The following HPS3 variants were observed in gnomAD, a reference collection of about 807,000 sequenced individuals.
HPS3 encodes the protein HPS3 biogenesis of lysosomal organelles complex 2 subunit 1, also known as BLOC-2 complex member HPS3.
A neutral mutation model predicts 110.9 loss-of-function variants in HPS3; 79 were observed. The ratio of observed to expected loss-of-function variants is 0.71; its 90% CI spans 0.59 to 0.86. HPS3 has a LOEUF of 0.86. Ranked by LOEUF, HPS3 falls within the 40% of genes least tolerant of loss-of-function variation. HPS3 has a pLI of 0.00. For synonymous variants in HPS3, 428 were observed against 451.0 expected, an observed-to-expected ratio of 0.95 and a Z score of 0.65; for missense variants, 1,197 against 1,206.2, an observed-to-expected ratio of 0.99 and a Z score of 0.11.
At chr3:149,150,401 A>T (rs1021977330) in intron 5 of HPS3, among the ~76,000 whole-genome samples, 198 bp from the exon 6 acceptor site, 24 of 152,182 alleles carry the variant, frequency 1.6e-4, no homozygotes, top group African/African-American at 5.8e-4. Flanking sequence ...TATGGGGACC[A>T]GTTGTATATT....
Position 149,153,496 on chromosome 3 carries a change from T to C in HPS3, c.1248T>C (p.Ala416=), listed in dbSNP as rs1723258444. 1 of 1,613,568 alleles carries C rather than the reference T, an allele frequency of 6.2e-7. No homozygotes were observed. Among genetic ancestry groups the C allele is most frequent in the Non-Finnish European group, 8.5e-7 (1 of 1,179,436 alleles). Residue 416 remains alanine, a splice_region_variant and synonymous_variant, in exon 7 of 17, where the codon GCT becomes GCC. Transcript: ENST00000296051. ...EDPYMDTTLK[A]CPPVSMDVCA... ...AATATGTGATTTTCCTTTACTAGGC[T>C]TGCCCACCTGTCAGTATGGATGTCT...
intron 12 of HPS3, 54 bp from the exon 13 acceptor site, chr3:149,162,636 T>C: frequency 2.5e-6 from 4 of 1,568,900 alleles, no homozygotes; most frequent in Non-Finnish European, 2.6e-6. Flanking sequence ...CAGCTGTCGC[T>C]TTATCAGTGC....
chr3:149,141,202 T>TTTTA lies in HPS3; in HGVS notation c.884+17_884+18insATTT, dbSNP rs756488920. The stretch of plus-strand genomic sequence containing the variant: ...CCTGCTCTATAGGTATTATAGTGCT[T>TTTTA]TTTTTTTTTTTACCAGCATTTTATG... On this transcript the variant is annotated intron_variant, in intron 3 of 16. Transcript: ENST00000296051. The TTTTA allele has an allele frequency of 1.4e-6, 2 of 1,383,446 alleles. No individual in the cohort carries two copies. Among genetic ancestry groups the TTTTA allele is most frequent in the South Asian group, 2.5e-5 (2 of 79,342 alleles). The allele number at this position is 1,383,446 out of a possible 1,614,324, so 85.7% of individuals were successfully genotyped here.
intron 1 of HPS3, among the ~76,000 whole-genome samples, chr3:149,132,218 A>C (rs1352041629): frequency 6.6e-6 from 1 of 152,250 alleles, no homozygotes. Context: ...CAGTGTAGAC[A>C]AAACAGTCTT....
chr3:149,150,724 G>A (rs889999630), intron 6 of HPS3, 44 bp downstream of exon 6: 1 of 1,426,874 alleles, frequency 7.0e-7, no homozygotes, highest in African/African-American at 1.4e-5. Context: ...AAGATCACAA[G>A]GGAGCACATG....
At chr3:149,157,240 A>C in intron 8 of HPS3, 110 bp from the exon 9 acceptor site, 1 of 978,758 alleles carries the variant, frequency 1.0e-6, no homozygotes, top group Non-Finnish European at 1.6e-6. Flanking sequence ...TTTAGGGTTT[A>C]ATATGTCCAA....
chr3:149,131,133 A>AC (rs895113108), intron 1 of HPS3, among the ~76,000 whole-genome samples: 1 of 150,698 alleles, frequency 6.6e-6, no homozygotes, highest in Non-Finnish European at 1.5e-5. Flanking sequence ...AAAAAAAAAA[A>AC]AAAAAAACAA....
chr3:149,158,944 T>C, intron 10 of HPS3, 98 bp downstream of exon 10: 2 of 854,334 alleles, frequency 2.3e-6, no homozygotes, highest in Non-Finnish European at 3.7e-6. Context: ...TCCAAATATT[T>C]TTCTTCTTTG....
intron 14 of HPS3, among the ~76,000 whole-genome samples, chr3:149,166,364 G>A (rs79429329): frequency 6.6e-6 from 1 of 152,114 alleles, no homozygotes; most frequent in South Asian, 2.1e-4. Context: ...CTACAGGAAG[G>A]GGTGTAAAGA....
At chr3:149,171,894 A>G (rs1725026076) in intron 16 of HPS3, among the ~76,000 whole-genome samples, 1 of 151,830 alleles carries the variant, frequency 6.6e-6, no homozygotes, top group South Asian at 2.1e-4. Context: ...TTTAGTAGAG[A>G]CAGGGTTTCA....
At position 149,141,976 on chromosome 3, in the gene HPS3, G is replaced by A. The variant is rs182411587; in HGVS notation, c.970+596G>A. 4.5e-3 allele frequency among the ~76,000 whole-genome samples: 691 copies of A among 151,950 alleles called. 12 individuals carry two copies. The highest frequency in any genetic ancestry group is 0.016 in the African/African-American group (661 of 41,404). ...AGTGATTCTCCTGCCTCAGACTCCC[G>A]AGTAGCTGGGATTACAGGAATGCCC... On this transcript the variant is annotated intron_variant, in intron 4 of 16. Transcript: ENST00000296051.
At chr3:149,171,766 G>A (rs539617280) in intron 16 of HPS3, among the ~76,000 whole-genome samples, 3 of 144,002 alleles carry the variant, frequency 2.1e-5, no homozygotes, top group African/African-American at 5.2e-5. Context: ...GTGCAGTGGT[G>A]CAATCTCAAC....
chr3:149,146,826 G>A (rs998642785), intron 5 of HPS3, among the ~76,000 whole-genome samples: 2 of 152,138 alleles, frequency 1.3e-5, no homozygotes, highest in Non-Finnish European at 2.9e-5. Flanking sequence ...GTAGACAGGT[G>A]GTGAAAACAG....
intron 1 of HPS3, among the ~76,000 whole-genome samples, chr3:149,135,045 C>G (rs141337338): frequency 1.2e-4 from 18 of 152,222 alleles, no homozygotes; most frequent in Non-Finnish European, 2.1e-4. Flanking sequence ...GCCCAGTGTC[C>G]TCCTCTGTAG....
intron 1 of HPS3, among the ~76,000 whole-genome samples, chr3:149,137,984 A>T (rs1464741950): frequency 1.3e-5 from 2 of 151,884 alleles, no homozygotes; most frequent in Non-Finnish European, 2.9e-5. Context: ...TGTGTATCGT[A>T]CTACAATAAA....
At position 149,151,537 on chromosome 3, in the gene HPS3, A is replaced by G. The variant is rs150982692; in HGVS notation, c.1245+857A>G. ...ATACTTAATCGAAGAGTTAATGGTT[A>G]TGGTAGATCAATAATCTCATTTTTA... On this transcript the variant is annotated intron_variant, in intron 6 of 16. Transcript: ENST00000296051. Among the ~76,000 whole-genome samples the G allele has an allele frequency of 3.2e-3, 437 of 134,798 alleles. 2 individuals carry two copies. Among genetic ancestry groups the G allele is most frequent in the African/African-American group, 0.011 (412 of 36,686 alleles). 88.4% of individuals were successfully genotyped at this position (134,798 alleles called of 152,430 possible). A position where few individuals can be genotyped will look rare whatever the true frequency, so the allele number is the denominator to read the frequency against.
At position 149,129,674 on chromosome 3, in the gene HPS3, C is replaced by T. The variant is rs750659280; in HGVS notation, c.-50C>T. 8.1e-5 allele frequency: 115 copies of T among 1,418,246 alleles called. No individual in the cohort carries two copies. The highest frequency in any genetic ancestry group is 1.0e-4 in the Non-Finnish European group (112 of 1,071,198). The allele number at this position is 1,418,246 out of a possible 1,614,324, so 87.9% of individuals were successfully genotyped here. A position where few individuals can be genotyped will look rare whatever the true frequency, so the allele number is the denominator to read the frequency against. ...TACATTCGCGGTCAGCGCGGGGTCTCCGGGCGCCCTGCAGGGCGGGCAGGC... is the reference window on the plus strand; with the variant it reads ...TACATTCGCGGTCAGCGCGGGGTCTTCGGGCGCCCTGCAGGGCGGGCAGGC... On this transcript the variant is annotated 5_prime_UTR_variant, in exon 1 of 17. Transcript: ENST00000296051.
rs746331416 is a variant in HPS3, at chr3:149,140,359, T to C, written c.573T>C (p.Val191=). The C allele has an allele frequency of 9.3e-6, 15 of 1,610,406 alleles. No homozygotes were observed. The Middle Eastern group carries it at 6.6e-4, about 71-fold the overall frequency. Residue 191 remains valine, a synonymous_variant, in exon 2 of 17, where the codon GTT becomes GTC. Coordinates refer to ENST00000296051, the MANE Select transcript of HPS3 (RefSeq NM_032383.5). ...TAGATAATATCACTCCTGTTGAGGT[T>C]TCTTTTTGTGTTGGATATGTTGCTG... ...IHIDNITPVE[V]SFCVGYVAVM...
intron 8 of HPS3, among the ~76,000 whole-genome samples, chr3:149,156,768 A>G (rs1034418987): frequency 6.6e-5 from 10 of 152,196 alleles, no homozygotes; most frequent in Middle Eastern, 3.4e-3. Flanking sequence ...GCCAATTATT[A>G]TATTAGCTGT....
Sources: gnomAD v4.1 joint callset for allele counts (sites outside exome capture counted in the v4.1 genomes callset) on GRCh38, gnomAD v4.1.1 for gene constraint, MANE v1.5 for transcripts, NCBI Gene and HGNC (gene_info 2026-07-23, HGNC 2026-07-21) for gene names.